BICRAL: variants seen among roughly 807,000 people sequenced by gnomAD.
BICRAL encodes the protein BICRA like chromatin remodeling complex associated protein, also known as BRD4-interacting chromatin-remodeling complex-associated protein-like.
Under a neutral mutation model 91.8 loss-of-function variants are expected in BICRAL, and 8 were observed. That is an observed-to-expected ratio of 0.09 (90% confidence interval 0.05 to 0.16). The LOEUF (loss-of-function observed/expected upper bound fraction) is 0.16, where lower values mean the gene tolerates loss of function less well. Ranked by LOEUF, BICRAL falls within the 10% of genes least tolerant of loss-of-function variation. The pLI is 1.00. For missense variants in BICRAL, 1,038 were observed against 1,310.9 expected (o/e 0.79, Z 3.21); for synonymous variants, 445 against 491.1 (o/e 0.91, Z 1.24).
chr6:42,791,248 C>A (rs540527557), intron 1 of BICRAL, among the ~76,000 whole-genome samples: 6 of 152,202 alleles, frequency 3.9e-5, no homozygotes, highest in Admixed American at 3.9e-4. Context: ...CTCCTTAATC[C>A]CAATCAACTT....
rs1263626811 is a variant in BICRAL at position 42,865,053 on chromosome 6, T to C, written c.2847T>C (p.His949=). The C allele has an allele frequency of 6.2e-7, 1 of 1,614,110 alleles. No homozygotes were observed. The highest frequency in any genetic ancestry group is 1.1e-5 in the South Asian group (1 of 91,088). Residue 949 remains histidine, a synonymous_variant, in exon 13 of 13, where the codon CAT becomes CAC. Coordinates refer to ENST00000314073, the MANE Select transcript of BICRAL (RefSeq NM_001393499.1). The part of the protein sequence containing the change: ...GHRKTSSRSD[H]GTESKLSSIL... ...GGAAAACCTCATCCAGATCGGATCA[T>C]GGTACTGAGAGCAAACTGTCAAGCA...
intron 11 of BICRAL, among the ~76,000 whole-genome samples, chr6:42,861,134 T>TAAG (rs549441947): frequency 4.5e-4 from 68 of 151,694 alleles, no homozygotes; most frequent in African/African-American, 1.6e-3. Flanking sequence ...CTCAATAAAA[T>TAAG]AATAATAATA....
At chr6:42,851,758 A>G (rs80102380) in intron 6 of BICRAL, among the ~76,000 whole-genome samples, 2,219 of 152,248 alleles carry the variant, frequency 0.015, 51 homozygotes, top group African/African-American at 0.051. Flanking sequence ...AGCAGGCAGG[A>G]TATAAGGTTA....
Position 42,865,150 on chromosome 6 carries a change from A to G in BICRAL, c.2944A>G (p.Lys982Glu), listed in dbSNP as rs762995742. ...FQDKSLRNSP[K>E]NEVLHTDIMK... Reference sequence around the variant, plus strand: ...GGACAAAAGTCTGAGGAATTCTCCAAAGAATGAAGTTTTACACACAGACAT... The same window carrying G: ...GGACAAAAGTCTGAGGAATTCTCCAGAGAATGAAGTTTTACACACAGACAT... The change falls in exon 13 of 13, where the codon AAG becomes GAG. Residue 982 changes from lysine to glutamate, a missense_variant. This residue lies in a region of BICRAL where 92 missense variants were observed against 147.8 expected (regional missense o/e 0.62). Transcript: ENST00000314073. The G allele has an allele frequency of 4.3e-6, 7 of 1,614,188 alleles. No individual in the cohort carries two copies. Among genetic ancestry groups the G allele is most frequent in the Admixed American group, 1.7e-5 (1 of 60,016 alleles).
intron 6 of BICRAL, among the ~76,000 whole-genome samples, chr6:42,841,434 G>A (rs1562488921): frequency 6.6e-6 from 1 of 151,922 alleles, no homozygotes; most frequent in Non-Finnish European, 1.5e-5. Context: ...TGATCCTCCC[G>A]TCTCACCCTC....
At chr6:42,771,010 C>A (rs561276086) in intron 1 of BICRAL, among the ~76,000 whole-genome samples, 1 of 152,338 alleles carries the variant, frequency 6.6e-6, no homozygotes, top group East Asian at 1.9e-4. Flanking sequence ...ATTGCCTACT[C>A]TGTCCTCCGA....
intron 1 of BICRAL, among the ~76,000 whole-genome samples, chr6:42,789,543 G>A (rs1031595826): frequency 6.6e-6 from 1 of 151,690 alleles, no homozygotes; most frequent in Non-Finnish European, 1.5e-5. Flanking sequence ...TCAGGAGGCT[G>A]AGGCATGAGA....
At chr6:42,754,513 A>T (rs1349074700) in intron 1 of BICRAL, among the ~76,000 whole-genome samples, 1 of 152,186 alleles carries the variant, frequency 6.6e-6, no homozygotes, top group Non-Finnish European at 1.5e-5. Context: ...ATGTGTCATA[A>T]TTGAAACAGA....
At chr6:42,826,500 G>A (rs1170331208) in intron 5 of BICRAL, among the ~76,000 whole-genome samples, 1 of 151,954 alleles carries the variant, frequency 6.6e-6, no homozygotes, top group African/African-American at 2.4e-5. Flanking sequence ...CTCCCAAAGT[G>A]CTTGGATTAC....
Position 42,857,080 on chromosome 6 carries a change from C to G in BICRAL, c.2109-11C>G, listed in dbSNP as rs1305324459. 1.2e-6 allele frequency: 2 copies of G among 1,603,718 alleles called. No homozygotes were observed. The highest frequency in any genetic ancestry group is 4.5e-5 in the East Asian group (2 of 44,802). On this transcript the variant is annotated splice_polypyrimidine_tract_variant and intron_variant, in intron 9 of 12. Transcript: ENST00000314073. ...GACTTTACATTGACATTGACCATTT[C>G]CCTTGTAAAGCATTCTCCAGCAGTT... is the stretch of plus-strand genomic sequence containing the variant.
intron 1 of BICRAL, among the ~76,000 whole-genome samples, chr6:42,794,149 G>A (rs960473600): frequency 1.3e-5 from 2 of 151,864 alleles, no homozygotes; most frequent in Admixed American, 6.6e-5. Flanking sequence ...CAGATAGCAC[G>A]GATTACAGGC....
intron 12 of BICRAL, among the ~76,000 whole-genome samples, 166 bp downstream of exon 12, chr6:42,862,778 T>C (rs1025849035): frequency 6.6e-6 from 1 of 152,188 alleles, no homozygotes; most frequent in Non-Finnish European, 1.5e-5. Flanking sequence ...ATCTACTTCC[T>C]TCTCCTCTTT....
chr6:42,795,568 A>G (rs1466514065), intron 1 of BICRAL, among the ~76,000 whole-genome samples: 1 of 152,212 alleles, frequency 6.6e-6, no homozygotes, highest in Non-Finnish European at 1.5e-5. Flanking sequence ...AAATTACCTT[A>G]CTATCAAAAA....
intron 1 of BICRAL, among the ~76,000 whole-genome samples, chr6:42,767,052 AAAAG>A (rs1167004757): frequency 4.1e-4 from 62 of 151,776 alleles, no homozygotes; most frequent in African/African-American, 1.3e-3. Flanking sequence ...AAAAAAAAAA[AAAAG>A]AAGAAGAATA....
chr6:42,864,556 A>T (rs1331865333), intron 12 of BICRAL, 103 bp from the exon 13 acceptor site: 2 of 850,124 alleles, frequency 2.4e-6, no homozygotes, highest in East Asian at 4.9e-5. Flanking sequence ...GGATTCTGTG[A>T]GTGGGGCTGG....
At chr6:42,848,058 G>A (rs1188919990) in intron 6 of BICRAL, among the ~76,000 whole-genome samples, 4 of 152,040 alleles carry the variant, frequency 2.6e-5, no homozygotes, top group African/African-American at 9.7e-5. Context: ...GAACCCAGGA[G>A]GCGGAGCTTG....
At chr6:42,811,345 G>A (rs766521563) in intron 2 of BICRAL, among the ~76,000 whole-genome samples, 4 of 152,152 alleles carry the variant, frequency 2.6e-5, no homozygotes, top group African/African-American at 4.8e-5. Context: ...AAGTTTGGCC[G>A]GGCACGGTGG....
At chr6:42,837,524 G>A (rs1429442143) in intron 6 of BICRAL, among the ~76,000 whole-genome samples, 4 of 151,812 alleles carry the variant, frequency 2.6e-5, no homozygotes, top group Non-Finnish European at 4.4e-5. Flanking sequence ...GGCCGAGGCA[G>A]GTGGATCACC....
Position 42,828,760 on chromosome 6 carries a change from CCTT to C in BICRAL, c.432_434del (p.Ser146del), listed in dbSNP as rs773286929. The C allele has an allele frequency of 6.2e-7, 1 of 1,614,200 alleles. No individual in the cohort carries two copies. The highest frequency in any genetic ancestry group is 8.5e-7 in the Non-Finnish European group (1 of 1,180,026). On this transcript the variant is annotated inframe_deletion, in exon 6 of 13. Coordinates refer to ENST00000314073, the MANE Select transcript of BICRAL (RefSeq NM_001393499.1). ...ACAGTTTGCACAAGCTCAGCTTCATCCTTCTTCATCAGCATCCTTTACTCAGGC... is the reference window on the plus strand; with the variant it reads ...ACAGTTTGCACAAGCTCAGCTTCATCCTTCATCAGCATCCTTTACTCAGGC...
Sources: allele counts gnomAD v4.1 joint callset (sites outside exome capture counted in the v4.1 genomes callset), GRCh38; gene constraint gnomAD v4.1.1; regional missense constraint gnomAD v4.1.1; transcripts MANE v1.5; gene names NCBI Gene and HGNC (gene_info 2026-07-23, HGNC 2026-07-21).